Variants in TAF1 observed in about 807,000 individuals in gnomAD.
The protein encoded by TAF1 is transcription initiation factor TFIID subunit 1.
TAF1 carries 2 observed loss-of-function variants against 138.5 expected under a neutral mutation model. The ratio of observed to expected loss-of-function variants is 0.01; its 90% CI spans 0.01 to 0.05. TAF1 has a LOEUF of 0.05. Ranked by LOEUF, TAF1 falls within the 10% of genes least tolerant of loss-of-function variation. TAF1 has a pLI of 1.00. For synonymous variants in TAF1, 437 were observed against 503.2 expected, an observed-to-expected ratio of 0.87 and a Z score of 1.76; for missense variants, 709 against 1,478.0, an observed-to-expected ratio of 0.48 and a Z score of 8.53.
chrX:71,456,701 G>GTTTTT (rs2038316350), intron 34 of TAF1, among the ~76,000 whole-genome samples: 2 of 44,329 alleles, frequency 4.5e-5, no homozygotes, highest in African/African-American at 2.1e-4. Flanking sequence ...TTGAGACCGA[G>GTTTTT]TTTTGCTCTT....
At chrX:71,411,018 G>A (rs2035757393) in intron 28 of TAF1, among the ~76,000 whole-genome samples, 2 of 104,481 alleles carry the variant, frequency 1.9e-5, no homozygotes, top group South Asian at 8.4e-4. Flanking sequence ...CCTGACTTCA[G>A]GTGATCTGCC....
chrX:71,519,423 A>G (rs1602108447), intron 13 of TAF1, among the ~76,000 whole-genome samples: 1 of 107,763 alleles, frequency 9.3e-6, no homozygotes, highest in African/African-American at 3.4e-5. Context: ...CCATGTTATA[A>G]TTGATTAATA....
intron 29 of TAF1, among the ~76,000 whole-genome samples, chrX:71,422,401 C>T (rs2036393549): frequency 9.3e-6 from 1 of 107,557 alleles, no homozygotes; most frequent in Non-Finnish European, 1.9e-5. Context: ...TGGCTCACTG[C>T]AACCTCCGCC....
At position 71,420,086 on chromosome X, in the gene TAF1, A is replaced by G. The variant is rs191487558; in HGVS notation, c.4385-1223A>G. On this transcript the variant is annotated intron_variant, in intron 28 of 37. Coordinates refer to ENST00000423759, the MANE Select transcript of TAF1 (RefSeq NM_004606.5). The stretch of plus-strand genomic sequence containing the variant: ...TTTCCTCCTCATACTTTTTTTAGTA[A>G]GGGGAGTACCATGATGTCGCTCTAG... 10 of 390,125 alleles carry G rather than the reference A, an allele frequency of 2.6e-5. No individual in the cohort carries two copies. In the East Asian group the frequency reaches 4.9e-4, roughly 19 times the overall value. 32.2% of individuals were successfully genotyped at this position (390,125 alleles called of 1,213,427 possible).
intron 13 of TAF1, among the ~76,000 whole-genome samples, chrX:71,511,221 G>A (rs1184362879): frequency 1.8e-5 from 2 of 112,341 alleles, no homozygotes; most frequent in African/African-American, 6.5e-5. Context: ...CATACCATGA[G>A]GATGATATCT....
intron 28 of TAF1, among the ~76,000 whole-genome samples, chrX:71,411,426 C>G (rs1320620549): frequency 9.0e-6 from 1 of 111,186 alleles, no homozygotes; most frequent in African/African-American, 3.3e-5. Context: ...TTGAAGTGAA[C>G]CAAGATCGCA....
chrX:71,473,794 T>C (rs1179846501), intron 13 of TAF1, among the ~76,000 whole-genome samples: 1 of 109,619 alleles, frequency 9.1e-6, no homozygotes, highest in East Asian at 2.9e-4. Flanking sequence ...GAGCATTGGG[T>C]ATATAGGGAA....
At chrX:71,461,979 A>G (rs943830531) in intron 37 of TAF1, among the ~76,000 whole-genome samples, 3 of 111,948 alleles carry the variant, frequency 2.7e-5, no homozygotes, top group African/African-American at 9.7e-5. Context: ...AAGAGCCTAT[A>G]TGAAGACACA....
At chrX:71,390,177 G>T (rs1173420112) in intron 18 of TAF1, among the ~76,000 whole-genome samples, 4 of 111,780 alleles carry the variant, frequency 3.6e-5, no homozygotes, top group African/African-American at 1.3e-4. Flanking sequence ...CACCTGGCAG[G>T]ATTTTCATTT....
At chrX:71,490,571 T>TA (rs760536382) in intron 13 of TAF1, among the ~76,000 whole-genome samples, 20 of 109,910 alleles carry the variant, frequency 1.8e-4, no homozygotes, top group Non-Finnish European at 3.8e-4. Flanking sequence ...AATATTTTCT[T>TA]AAAGGCAGTT....
chrX:71,504,741 CAAAA>C (rs41370846), intron 13 of TAF1, among the ~76,000 whole-genome samples: 17 of 5,677 alleles, frequency 3.0e-3, no homozygotes, highest in African/African-American at 8.1e-3. Context: ...GACCCTGTCT[CAAAA>C]AAAAAAAAAA....
intron 32 of TAF1, among the ~76,000 whole-genome samples, chrX:71,439,203 CCTCT>C (rs1346123070): frequency 1.8e-5 from 2 of 111,463 alleles, no homozygotes; most frequent in Non-Finnish European, 3.8e-5. Flanking sequence ...CAACTTTCTC[CCTCT>C]CTCCTTCTTT....
At chrX:71,479,761 T>TAAAA (rs1213668244) in intron 13 of TAF1, among the ~76,000 whole-genome samples, 1 of 111,078 alleles carries the variant, frequency 9.0e-6, no homozygotes, top group Non-Finnish European at 1.9e-5. Context: ...ATATATGAGA[T>TAAAA]TTTTATCTAC....
At chrX:71,388,455 C>A in intron 16 of TAF1, 77 bp downstream of exon 16, 1 of 1,122,543 alleles carries the variant, frequency 8.9e-7, no homozygotes, top group Non-Finnish European at 1.2e-6. Context: ...AAAGGATAAG[C>A]ATATAGTTAA....
At chrX:71,377,515 A>C (rs2033563734) in intron 5 of TAF1, 88 bp from the exon 6 acceptor site, 20 of 1,036,394 alleles carry the variant, frequency 1.9e-5, no homozygotes, top group Non-Finnish European at 2.6e-5. Context: ...ATTTGAAGAG[A>C]TCTCTCAAGG....
downstream of TAF1, among the ~76,000 whole-genome samples, chrX:71,468,609 C>G (rs973037186): frequency 9.5e-6 from 1 of 105,427 alleles, no homozygotes; most frequent in African/African-American, 3.5e-5. Context: ...TCGCTTGAAC[C>G]GGGAGGCGAA....
intron 22 of TAF1, among the ~76,000 whole-genome samples, chrX:71,396,061 A>G (rs2034828826): frequency 9.2e-6 from 1 of 108,665 alleles, no homozygotes; most frequent in Admixed American, 1.0e-4. Context: ...AGGCAGGAGA[A>G]TCGCTTGAAC....
At chrX:71,483,780 C>CTA (rs1556022684) in intron 13 of TAF1, among the ~76,000 whole-genome samples, 2,699 of 37,474 alleles carry the variant, frequency 0.072, 119 homozygotes, top group Non-Finnish European at 0.088. Flanking sequence ...CTCTCTCTCT[C>CTA]TATATATATA....
intron 32 of TAF1, among the ~76,000 whole-genome samples, chrX:71,428,429 G>A (rs1248660455): frequency 9.0e-6 from 1 of 111,653 alleles, no homozygotes; most frequent in African/African-American, 3.3e-5. Context: ...AAGTAGACTT[G>A]GATTTGAACA....
Sources: gnomAD v4.1 joint callset for allele counts (sites outside exome capture counted in the v4.1 genomes callset) on GRCh38, gnomAD v4.1.1 for gene constraint, MANE v1.5 for transcripts, NCBI Gene and HGNC (gene_info 2026-07-23, HGNC 2026-07-21) for gene names.